The following DIAPH2 variants were observed in gnomAD, a reference collection of about 807,000 sequenced individuals.
The protein encoded by DIAPH2 is protein diaphanous homolog 2.
Under a neutral mutation model 92.7 loss-of-function variants are expected in DIAPH2, and 35 were observed. The observed-to-expected ratio is 0.38, with a 90% CI of 0.29 to 0.50. DIAPH2 has a LOEUF of 0.50. DIAPH2 is among the 20% of genes least tolerant of loss of function. The probability of loss-of-function intolerance (pLI) is 0.94; values close to 1 mark genes in which losing one functional copy is unlikely to be tolerated. For synonymous variants in DIAPH2, 301 were observed against 280.4 expected, an observed-to-expected ratio of 1.07 and a Z score of -0.73; for missense variants, 701 against 819.5, an observed-to-expected ratio of 0.86 and a Z score of 1.77.
At chrX:97,347,112 A>G (rs1278344397) in intron 23 of DIAPH2, among the ~76,000 whole-genome samples, 34 of 93,995 alleles carry the variant, frequency 3.6e-4, no homozygotes, top group African/African-American at 1.3e-3. Context: ...TTTTTGAGAC[A>G]GAGTCTCACA....
At chrX:97,237,504 A>T (rs1216781256) in intron 22 of DIAPH2, among the ~76,000 whole-genome samples, 2 of 111,100 alleles carry the variant, frequency 1.8e-5, no homozygotes, top group Admixed American at 1.9e-4. Context: ...TTCCAGTTTG[A>T]GTTGTAGGTG....
chrX:96,818,801 A>G (rs781135493), intron 4 of DIAPH2, among the ~76,000 whole-genome samples: 5 of 112,874 alleles, frequency 4.4e-5, no homozygotes, highest in Non-Finnish European at 5.6e-5. Context: ...GCTGCTTTCA[A>G]TATAACAATG....
intron 19 of DIAPH2, among the ~76,000 whole-genome samples, chrX:97,098,911 C>A (rs1051463433): frequency 4.4e-5 from 5 of 112,420 alleles, no homozygotes; most frequent in Non-Finnish European, 9.4e-5. Flanking sequence ...CATCAGACTT[C>A]ATCACTTTTG....
At chrX:96,801,138 T>C (rs779519471) in intron 4 of DIAPH2, among the ~76,000 whole-genome samples, 12 of 112,419 alleles carry the variant, frequency 1.1e-4, no homozygotes, top group Non-Finnish European at 1.7e-4. Flanking sequence ...GCTACCTCAA[T>C]AGGGAGATGG....
chrX:96,956,099 C>T (rs1450681525), intron 15 of DIAPH2, among the ~76,000 whole-genome samples: 6 of 112,809 alleles, frequency 5.3e-5, no homozygotes, highest in East Asian at 5.6e-4. Flanking sequence ...GACATCCAGG[C>T]GTTTTCATAC....
chrX:96,933,034 T>C (rs2065629686), intron 10 of DIAPH2, among the ~76,000 whole-genome samples: 1 of 111,450 alleles, frequency 9.0e-6, no homozygotes. Context: ...TCTCAGTGAT[T>C]CTTCAGCAAG....
intron 22 of DIAPH2, among the ~76,000 whole-genome samples, chrX:97,209,248 A>G (rs1010054879): frequency 9.0e-6 from 1 of 111,055 alleles, no homozygotes; most frequent in Admixed American, 9.7e-5. Flanking sequence ...GATTGTATCA[A>G]TGTATACAAT....
intron 24 of DIAPH2, among the ~76,000 whole-genome samples, chrX:97,355,272 A>T (rs1055156656): frequency 1.8e-5 from 2 of 111,377 alleles, no homozygotes; most frequent in African/African-American, 6.5e-5. Flanking sequence ...AGAAAATTTG[A>T]TTCATTTATT....
At chrX:96,876,603 C>A (rs762214079) in intron 4 of DIAPH2, among the ~76,000 whole-genome samples, 4 of 111,439 alleles carry the variant, frequency 3.6e-5, no homozygotes, top group Non-Finnish European at 7.5e-5. Context: ...AGTTCATGTC[C>A]TTTGTAGGGA....
intron 22 of DIAPH2, among the ~76,000 whole-genome samples, chrX:97,146,325 AAAAAC>A (rs1219520060): frequency 9.1e-6 from 1 of 110,444 alleles, no homozygotes; most frequent in South Asian, 3.9e-4. Flanking sequence ...CTTCAAAAAC[AAAAAC>A]AAAAGATTGT....
intron 4 of DIAPH2, among the ~76,000 whole-genome samples, chrX:96,866,595 T>C (rs1215697828): frequency 8.9e-6 from 1 of 112,053 alleles, no homozygotes; most frequent in African/African-American, 3.2e-5. Context: ...ATAAATTGTA[T>C]GTTTAATATC....
chrX:96,725,015 A>G (rs2064012517), intron 1 of DIAPH2, among the ~76,000 whole-genome samples: 1 of 111,649 alleles, frequency 9.0e-6, no homozygotes, highest in African/African-American at 3.3e-5. Flanking sequence ...CTCCACTTCA[A>G]TTATTTAAAT....
At chrX:97,265,415 T>C (rs1254993519) in intron 23 of DIAPH2, among the ~76,000 whole-genome samples, 6 of 111,618 alleles carry the variant, frequency 5.4e-5, no homozygotes, top group Non-Finnish European at 3.8e-5. Context: ...GAGCTAAAAT[T>C]TACTTGGGCA....
intron 4 of DIAPH2, among the ~76,000 whole-genome samples, chrX:96,802,857 GT>G (rs2064594103): frequency 8.9e-6 from 1 of 111,915 alleles, no homozygotes; most frequent in African/African-American, 3.3e-5. Flanking sequence ...GCGGCCTTCA[GT>G]CTATGGCTGA....
intron 23 of DIAPH2, among the ~76,000 whole-genome samples, chrX:97,314,357 G>A (rs182393219): frequency 1.6e-3 from 177 of 111,004 alleles, no homozygotes; most frequent in Non-Finnish European, 2.9e-3. Flanking sequence ...AGGCTGCAGT[G>A]TGCTATGATC....
chrX:97,330,770 C>T (rs1478500994), intron 23 of DIAPH2, among the ~76,000 whole-genome samples: 2 of 111,716 alleles, frequency 1.8e-5, no homozygotes, highest in African/African-American at 6.5e-5. Context: ...ACCTCAGCCT[C>T]CCAAAGTGCT....
intron 22 of DIAPH2, among the ~76,000 whole-genome samples, chrX:97,218,031 G>T (rs2067897741): frequency 9.0e-6 from 1 of 110,904 alleles, no homozygotes; most frequent in African/African-American, 3.3e-5. Context: ...GCCAAGACAT[G>T]CTCTAGGAAT....
intron 26 of DIAPH2, among the ~76,000 whole-genome samples, chrX:97,506,256 TCTC>T (rs1216503030): frequency 4.0e-5 from 4 of 99,101 alleles, no homozygotes; most frequent in African/African-American, 1.5e-4. Flanking sequence ...TTCAAGCAAT[TCTC>T]CTGTCTCAGC....
chrX:96,820,654 T>G lies in DIAPH2; in HGVS notation c.448-60925T>G, dbSNP rs147378961. Reference sequence around the variant, plus strand: ...GCAGTTAAATATATATTTGCTAAACTTATTGAACACTTAGTATATGACAGT... The same window carrying G: ...GCAGTTAAATATATATTTGCTAAACGTATTGAACACTTAGTATATGACAGT... On this transcript the variant is annotated intron_variant, in intron 4 of 26. Transcript: ENST00000324765. Among the ~76,000 whole-genome samples the G allele has an allele frequency of 9.0e-3, 1,005 of 111,947 alleles. 7 individuals are homozygous for G. The highest frequency in any genetic ancestry group is 0.023 in the Middle Eastern group (5 of 219).
Sources: allele counts gnomAD v4.1 joint callset (sites outside exome capture counted in the v4.1 genomes callset), GRCh38; gene constraint gnomAD v4.1.1; transcripts MANE v1.5; gene names NCBI Gene and HGNC (gene_info 2026-07-23, HGNC 2026-07-21).